The following ADD3 variants were observed in gnomAD, a reference collection of about 807,000 sequenced individuals.
ADD3 encodes the protein adducin 3.
A neutral mutation model predicts 80.2 loss-of-function variants in ADD3; 25 were observed. The observed-to-expected ratio is 0.31, with a 90% CI of 0.23 to 0.44. ADD3 has a LOEUF of 0.44. Ranked by LOEUF, ADD3 falls within the 20% of genes least tolerant of loss-of-function variation. The pLI, the probability that ADD3 is intolerant of heterozygous loss-of-function variation, is 1.00. For missense variants in ADD3, 829 were observed against 847.5 expected, an observed-to-expected ratio of 0.98 and a Z score of 0.27; for synonymous variants, 284 against 289.6, an observed-to-expected ratio of 0.98 and a Z score of 0.20.
upstream of ADD3, among the ~76,000 whole-genome samples, chr10:110,006,735 A>C (rs1303723302): frequency 2.6e-5 from 1 of 38,718 alleles, no homozygotes; most frequent in Non-Finnish European, 5.5e-5. Flanking sequence ...TTTAATTAGC[A>C]CATTTTTAGG....
chr10:110,090,301 C>A (rs1847335233), intron 1 of ADD3, among the ~76,000 whole-genome samples: 2 of 147,210 alleles, frequency 1.4e-5, no homozygotes, highest in South Asian at 4.3e-4. Flanking sequence ...CTCACTGCAA[C>A]CTTCACCTCC....
intron 2 of ADD3, among the ~76,000 whole-genome samples, chr10:110,108,190 C>T (rs1395410759): frequency 6.6e-6 from 1 of 152,114 alleles, no homozygotes; most frequent in Non-Finnish European, 1.5e-5. Context: ...AGGGCAAGTA[C>T]TTAGCCTGGT....
chr10:109,997,495 T>C (rs1851403378), intron 1 of ADD3: 1 of 152,250 alleles, frequency 6.6e-6, no homozygotes, highest in Non-Finnish European at 1.5e-5. Context: ...AGGCTGTTGC[T>C]GCCCTTGAAA....
chr10:110,086,294 C>T (rs1368928518), intron 1 of ADD3, among the ~76,000 whole-genome samples: 1 of 151,882 alleles, frequency 6.6e-6, no homozygotes, highest in Non-Finnish European at 1.5e-5. Context: ...CCTGTAGTCC[C>T]AGCTACTCAG....
intron 1 of ADD3, among the ~76,000 whole-genome samples, chr10:110,098,159 A>G (rs1183940134): frequency 4.6e-5 from 7 of 152,170 alleles, no homozygotes; most frequent in African/African-American, 1.4e-4. Flanking sequence ...AAGGCAGTCA[A>G]TTGATTTGAT....
intron 1 of ADD3, among the ~76,000 whole-genome samples, chr10:110,000,078 C>T (rs570050797): frequency 1.3e-4 from 20 of 152,228 alleles, no homozygotes; most frequent in Admixed American, 6.5e-4. Flanking sequence ...CACCATCATG[C>T]GCAGCTAATT....
At chr10:110,079,485 T>A (rs963679374) in intron 1 of ADD3, among the ~76,000 whole-genome samples, 16 of 151,276 alleles carry the variant, frequency 1.1e-4, no homozygotes, top group African/African-American at 4.9e-5. Flanking sequence ...TGTGTGTGTG[T>A]GTGTGTGTGT....
At chr10:110,052,560 C>T (rs142104810) in intron 1 of ADD3, among the ~76,000 whole-genome samples, 49 of 152,276 alleles carry the variant, frequency 3.2e-4, no homozygotes, top group Non-Finnish European at 5.0e-4. Flanking sequence ...CCTTTCTTCC[C>T]GACCCCCAGT....
At chr10:110,123,796 A>T in intron 9 of ADD3, 1 of 490,808 alleles carries the variant, frequency 2.0e-6, no homozygotes, top group Non-Finnish European at 3.7e-6. Context: ...TGTGAGTGGA[A>T]ATTGCAATAT....
rs1564903320 is a variant in ADD3, at chr10:110,056,488, GAAGT to G, written c.-29-44133_-29-44130del. 2.0e-5 allele frequency among the ~76,000 whole-genome samples: 3 copies of G among 152,152 alleles called. No homozygotes were observed. In the South Asian group the frequency reaches 6.2e-4, roughly 32 times the overall value. On this transcript the variant is annotated intron_variant, in intron 1 of 14. Transcript: ENST00000356080. ...CTGTTTTGAAGATGACAGCACAGCCGAAGTAAGGGTTTTTTCTCCTTATCACAAA... is the reference window on the plus strand; with the variant it reads ...CTGTTTTGAAGATGACAGCACAGCCGAAGGGTTTTTTCTCCTTATCACAAA...
intron 1 of ADD3, among the ~76,000 whole-genome samples, chr10:110,041,759 G>C (rs886854269): frequency 6.6e-6 from 1 of 152,116 alleles, no homozygotes; most frequent in African/African-American, 2.4e-5. Context: ...AGAAATTTTC[G>C]TACTGAATCA....
At chr10:110,054,970 C>A (rs1857993446) in intron 1 of ADD3, among the ~76,000 whole-genome samples, 1 of 152,050 alleles carries the variant, frequency 6.6e-6, no homozygotes, top group East Asian at 1.9e-4. Context: ...TCCATGTTGG[C>A]CAGGCTGGTT....
chr10:110,049,356 G>T (rs1053941902), intron 1 of ADD3, among the ~76,000 whole-genome samples: 2 of 152,250 alleles, frequency 1.3e-5, no homozygotes, highest in African/African-American at 4.8e-5. Flanking sequence ...GCCTAGTGGA[G>T]CTGTGAGAAG....
intron 6 of ADD3, among the ~76,000 whole-genome samples, 194 bp downstream of exon 6, chr10:110,118,930 T>TCTAA (rs1471362837): frequency 1.3e-5 from 2 of 152,242 alleles, no homozygotes; most frequent in Admixed American, 6.5e-5. Flanking sequence ...ACATTTGGAT[T>TCTAA]CTAAAACTAA....
rs1191868316 is a variant in ADD3, at chr10:110,126,405, TTTTCAA to T, written c.1522-9_1522-4del. 1 of 1,604,002 alleles carries T rather than the reference TTTTCAA, an allele frequency of 6.2e-7. No individual in the cohort carries two copies. The highest frequency in any genetic ancestry group is 1.7e-5 in the Admixed American group (1 of 59,942). On this transcript the variant is annotated splice_region_variant and splice_polypyrimidine_tract_variant and intron_variant, in intron 11 of 14. Transcript: ENST00000356080. The stretch of plus-strand genomic sequence containing the variant: ...CCTCAAGAACTTTATATTGAATTGT[TTTTCAA>T]TTCAGATTCGGGAACAAAATCGATA...
intron 1 of ADD3, among the ~76,000 whole-genome samples, chr10:110,024,758 T>G (rs973962005): frequency 1.2e-4 from 18 of 152,208 alleles, no homozygotes; most frequent in African/African-American, 4.1e-4. Flanking sequence ...ATTTTATTGG[T>G]TTCAAAGTTA....
chr10:110,087,030 T>A (rs1389560484), intron 1 of ADD3, among the ~76,000 whole-genome samples: 8 of 152,264 alleles, frequency 5.3e-5, no homozygotes, highest in South Asian at 4.1e-4. Flanking sequence ...GCTTTTATTT[T>A]TTTTTTATTT....
At chr10:110,044,634 AG>A (rs1856730172) in intron 1 of ADD3, among the ~76,000 whole-genome samples, 1 of 152,242 alleles carries the variant, frequency 6.6e-6, no homozygotes, top group Non-Finnish European at 1.5e-5. Context: ...TGTAATGGGG[AG>A]GAGAACAAAT....
intron 1 of ADD3, among the ~76,000 whole-genome samples, chr10:110,069,806 G>A (rs555504432): frequency 1.3e-5 from 2 of 152,268 alleles, no homozygotes; most frequent in South Asian, 4.1e-4. Flanking sequence ...GTAAGAACAA[G>A]CATTGTTTAA....
Sources: gnomAD v4.1 joint callset for allele counts (sites outside exome capture counted in the v4.1 genomes callset) on GRCh38, gnomAD v4.1.1 for gene constraint, MANE v1.5 for transcripts, NCBI Gene and HGNC (gene_info 2026-07-23, HGNC 2026-07-21) for gene names.